CREBBP: variants seen among roughly 807,000 people sequenced by gnomAD.
CREBBP encodes CREB binding lysine acetyltransferase.
CREBBP carries 19 observed loss-of-function variants against 265.0 expected under a neutral mutation model. The ratio of observed to expected loss-of-function variants is 0.07; its 90% CI spans 0.05 to 0.11. The LOEUF (loss-of-function observed/expected upper bound fraction) is 0.11. Among genes scored for constraint, CREBBP ranks in the 10% least tolerant of loss-of-function variants. The pLI is 1.00. For synonymous variants in CREBBP, 1,457 were observed against 1,223.7 expected, an observed-to-expected ratio of 1.19 and a Z score of -3.98; for missense variants, 2,525 against 3,219.0, an observed-to-expected ratio of 0.78 and a Z score of 5.22.
chr16:3,744,816 A>G, intron 23 of CREBBP, 78 bp downstream of exon 23: 1 of 1,124,658 alleles, frequency 8.9e-7, no homozygotes, highest in Admixed American at 1.7e-5. Flanking sequence ...GTTGAGAGGA[A>G]CCAAAGAACA....
intron 1 of CREBBP, among the ~76,000 whole-genome samples, chr16:3,873,951 G>C (rs1432436887): frequency 1.3e-5 from 2 of 152,154 alleles, no homozygotes; most frequent in African/African-American, 4.8e-5. Flanking sequence ...CTATGTGTCA[G>C]GCACTGCCCC....
At chr16:3,835,692 G>T (rs543303439) in intron 2 of CREBBP, among the ~76,000 whole-genome samples, 1 of 148,268 alleles carries the variant, frequency 6.7e-6, no homozygotes, top group Admixed American at 7.0e-5. Context: ...CCATTCTCCT[G>T]CCTCAGCCTC....
At chr16:3,757,475 T>C in intron 18 of CREBBP, 99 bp from the exon 19 acceptor site, 2 of 1,072,342 alleles carry the variant, frequency 1.9e-6, no homozygotes, top group Non-Finnish European at 2.8e-6. Context: ...ATTATTTCTG[T>C]TAGTATATTA....
chr16:3,785,052 C>T (rs867441046), intron 5 of CREBBP, among the ~76,000 whole-genome samples: 7 of 152,176 alleles, frequency 4.6e-5, no homozygotes, highest in African/African-American at 9.7e-5. Flanking sequence ...TTAAGCATGG[C>T]TGAATTTGAA....
intron 2 of CREBBP, among the ~76,000 whole-genome samples, chr16:3,826,069 C>A (rs530096103): frequency 6.6e-6 from 1 of 152,244 alleles, no homozygotes; most frequent in Non-Finnish European, 1.5e-5. Context: ...AAAAAACAGC[C>A]GGGTGCAGTG....
intron 13 of CREBBP, among the ~76,000 whole-genome samples, chr16:3,772,365 ACG>A (rs2053034236): frequency 6.9e-6 from 1 of 145,362 alleles, no homozygotes; most frequent in Non-Finnish European, 1.5e-5. Context: ...ACACACACAC[ACG>A]TTAGTTACTG....
intron 4 of CREBBP, among the ~76,000 whole-genome samples, chr16:3,792,828 G>A (rs79003348): frequency 6.6e-6 from 1 of 152,176 alleles, no homozygotes; most frequent in Non-Finnish European, 1.5e-5. Context: ...GAGACAGAGG[G>A]CACGTGAAGT....
Position 3,729,127 on chromosome 16 carries a change from G to A in CREBBP, c.5920C>T (p.Arg1974Trp), listed in dbSNP as rs1395505964. The change falls in exon 31 of 31, where the codon CGG (arginine) becomes TGG (tryptophan). Residue 1974 changes from arginine to tryptophan, a missense_variant. Physicochemically the swap from Arg to Trp is moderately radical, Grantham distance 101. Around this residue, in one of 19 missense-constraint regions of CREBBP, gnomAD observed 275 missense variants for 276.5 expected, o/e 0.99. Coordinates refer to ENST00000262367, the MANE Select transcript of CREBBP (RefSeq NM_004380.3). ...REAQQQQHLY[R>W]VNINNSMPPG... ...GGCATGCTGTTGTTGATGTTCACCC[G>A]GTACAGGTGCTGCTGCTGCTGGGCC... The A allele has an allele frequency of 5.7e-6, 9 of 1,575,678 alleles. No homozygotes were observed. Among genetic ancestry groups the A allele is most frequent in the East Asian group, 2.3e-5 (1 of 42,960 alleles).
chr16:3,741,523 G>A (rs542739844), intron 23 of CREBBP: 1 of 152,366 alleles, frequency 6.6e-6, no homozygotes, highest in East Asian at 1.9e-4. Flanking sequence ...AGAAAAATGT[G>A]GCCGGGCACA....
In CREBBP at chr16:3,725,565, G is replaced by A. The variant is rs754553941; in HGVS notation, c.*2153C>T. On this transcript the variant is annotated 3_prime_UTR_variant, in exon 31 of 31. Transcript: ENST00000262367. ...CCGAGCAGTGGCAGCAATCTCCACC[G>A]GAGGCCCGGCCTGTGCTTCCCCTCC... 1.7e-4 allele frequency: 40 copies of A among 233,306 alleles called. No individual in the cohort carries two copies. The highest frequency in any genetic ancestry group is 2.9e-4 in the Non-Finnish European group (34 of 118,046). The allele number at this position is 233,306 out of a possible 1,614,324, so 14.5% of individuals were successfully genotyped here.
intron 2 of CREBBP, 146 bp downstream of exon 2, chr16:3,850,151 G>C: frequency 1.3e-6 from 1 of 776,524 alleles, no homozygotes; most frequent in Non-Finnish European, 2.2e-6. Context: ...ATCCTAGAAA[G>C]AAATCTGTCT....
rs2141286195 is a variant in CREBBP at position 3,793,573 on chromosome 16, G to A, written c.1029C>T (p.Gly343=). Residue 343 remains glycine, a synonymous_variant, in exon 4 of 31, where the codon GGC becomes GGT. Coordinates refer to ENST00000262367, the MANE Select transcript of CREBBP (RefSeq NM_004380.3). ...TGCGTTTTTCAGGATCTGCAGTGGGGCCTGTTGCAATTGCTTGTGTGGGTA... is the reference window on the plus strand; with the variant it reads ...TGCGTTTTTCAGGATCTGCAGTGGGACCTGTTGCAATTGCTTGTGTGGGTA... The part of the protein sequence containing the change: ...GIVPTQAIAT[G]PTADPEKRKL... 1 of 1,613,928 alleles carries A rather than the reference G, an allele frequency of 6.2e-7. No individual in the cohort carries two copies. The highest frequency in any genetic ancestry group is 2.2e-5 in the East Asian group (1 of 44,872).
At chr16:3,804,965 G>T (rs908922672) in intron 3 of CREBBP, among the ~76,000 whole-genome samples, 2 of 152,228 alleles carry the variant, frequency 1.3e-5, no homozygotes, top group African/African-American at 4.8e-5. Flanking sequence ...CTTGTAATAT[G>T]TGGGGCTACC....
At chr16:3,794,428 G>C (rs2053568574) in intron 3 of CREBBP, among the ~76,000 whole-genome samples, 1 of 140,990 alleles carries the variant, frequency 7.1e-6, no homozygotes, top group African/African-American at 2.6e-5. Flanking sequence ...AAAAGAATCA[G>C]AGCCACCTTT....
chr16:3,832,163 T>C (rs1255766781), intron 2 of CREBBP, among the ~76,000 whole-genome samples: 2 of 152,082 alleles, frequency 1.3e-5, no homozygotes, highest in African/African-American at 4.8e-5. Flanking sequence ...CTATTAGCTA[T>C]TCAAATTTAA....
intron 2 of CREBBP, among the ~76,000 whole-genome samples, chr16:3,848,418 T>G (rs1385412210): frequency 6.6e-6 from 1 of 152,182 alleles, no homozygotes; most frequent in East Asian, 1.9e-4. Context: ...ATGATTTGCC[T>G]TTTCCCTCTG....
intron 21 of CREBBP, 60 bp from the exon 22 acceptor site, chr16:3,745,414 G>T: frequency 6.7e-7 from 1 of 1,499,842 alleles, no homozygotes; most frequent in Non-Finnish European, 9.2e-7. Flanking sequence ...AGAGTCACTT[G>T]TAGAAGTCTG....
chr16:3,739,391 A>T, intron 25 of CREBBP, 187 bp downstream of exon 25: 1 of 686,212 alleles, frequency 1.5e-6, no homozygotes, highest in Admixed American at 2.6e-5. Context: ...CACTGCAGTC[A>T]TCTCAACAGT....
intron 1 of CREBBP, among the ~76,000 whole-genome samples, chr16:3,860,345 A>AT (rs1168895017): frequency 7.9e-5 from 12 of 151,998 alleles, no homozygotes; most frequent in Admixed American, 7.2e-4. Context: ...TCCAAAAGGA[A>AT]TTTTTTTTAA....
Sources: gnomAD v4.1 joint callset for allele counts (sites outside exome capture counted in the v4.1 genomes callset) on GRCh38, gnomAD v4.1.1 for gene constraint, gnomAD v4.1.1 regional missense constraint, MANE v1.5 for transcripts, NCBI Gene and HGNC (gene_info 2026-07-23, HGNC 2026-07-21) for gene names.